CCDC178: variants seen among roughly 807,000 people sequenced by gnomAD.
The protein encoded by CCDC178 is coiled-coil domain containing 178.
In CCDC178, 126 loss-of-function variants were observed where a neutral mutation model predicts 117.4. The observed-to-expected ratio is 1.07, with a 90% CI of 0.93 to 1.24. CCDC178 has a LOEUF of 1.24. CCDC178 is among the 50% of genes most tolerant of loss of function. The pLI is 0.00. For missense variants in CCDC178, 1,030 were observed against 986.9 expected (o/e 1.04, Z -0.59); for synonymous variants, 283 against 313.4 (o/e 0.90, Z 1.02).
intron 20 of CCDC178, among the ~76,000 whole-genome samples, chr18:33,114,168 A>AC (rs1315569675): frequency 6.6e-6 from 1 of 152,026 alleles, no homozygotes; most frequent in Non-Finnish European, 1.5e-5. Context: ...AGGTTGGTTT[A>AC]CTTTCAGGAC....
chr18:33,337,619 T>C (rs554982006), intron 9 of CCDC178, among the ~76,000 whole-genome samples: 1 of 152,218 alleles, frequency 6.6e-6, no homozygotes, highest in African/African-American at 2.4e-5. Flanking sequence ...TACAGCTAAC[T>C]GATCTTCAAC....
intron 21 of CCDC178, among the ~76,000 whole-genome samples, chr18:33,079,266 A>G (rs1471889963): frequency 6.6e-6 from 1 of 152,220 alleles, no homozygotes; most frequent in Non-Finnish European, 1.5e-5. Context: ...CACCATATAC[A>G]AAAATGGACT....
intron 14 of CCDC178, among the ~76,000 whole-genome samples, chr18:33,262,907 C>T (rs942202210): frequency 6.6e-6 from 1 of 152,064 alleles, no homozygotes; most frequent in Non-Finnish European, 1.5e-5. Flanking sequence ...ATATTCTGAA[C>T]CTGAATATAG....
At chr18:33,102,408 G>A (rs1006335031) in intron 20 of CCDC178, among the ~76,000 whole-genome samples, 1 of 147,996 alleles carries the variant, frequency 6.8e-6, no homozygotes, top group African/African-American at 2.5e-5. Flanking sequence ...TACTCATGGA[G>A]GAGAGTGCTT....
intron 2 of CCDC178, among the ~76,000 whole-genome samples, chr18:33,420,818 G>T (rs2064014567): frequency 6.6e-6 from 1 of 151,818 alleles, no homozygotes; most frequent in African/African-American, 2.4e-5. Context: ...ATTATAAAAA[G>T]CTTAAAATAA....
At position 33,412,113 on chromosome 18, in the gene CCDC178, A is replaced by G; in HGVS notation, c.-22-3T>C. ...TAGTTATAAGAATATTTTAAAACCT[A>G]ATTAGAAAGAAAAATATTTAAATAT... On this transcript the variant is annotated splice_polypyrimidine_tract_variant and splice_region_variant and intron_variant, in intron 2 of 22. Transcript: ENST00000383096. 9.0e-7 allele frequency: 1 copy of G among 1,109,504 alleles called. No individual in the cohort carries two copies. Among genetic ancestry groups the G allele is most frequent in the Admixed American group, 2.2e-5 (1 of 45,772 alleles). The allele number at this position is 1,109,504 out of a possible 1,614,324, so 68.7% of individuals were successfully genotyped here.
intron 4 of CCDC178, among the ~76,000 whole-genome samples, chr18:33,396,560 A>G (rs2144846168): frequency 6.6e-6 from 1 of 152,302 alleles, no homozygotes; most frequent in East Asian, 1.9e-4. Context: ...GATGAAAGCC[A>G]CAAATTACAT....
At chr18:33,352,568 T>C (rs1031484882) in intron 7 of CCDC178, among the ~76,000 whole-genome samples, 4 of 152,118 alleles carry the variant, frequency 2.6e-5, no homozygotes, top group Admixed American at 1.3e-4. Flanking sequence ...TTTCCCTCTG[T>C]GGACTACTTT....
chr18:33,093,552 T>C (rs550908348), intron 20 of CCDC178, among the ~76,000 whole-genome samples: 2 of 152,228 alleles, frequency 1.3e-5, no homozygotes, highest in African/African-American at 4.8e-5. Flanking sequence ...CCTCCATGAC[T>C]AAATAAATAT....
intron 14 of CCDC178, among the ~76,000 whole-genome samples, chr18:33,263,417 A>G (rs2144755071): frequency 6.6e-6 from 1 of 152,294 alleles, no homozygotes; most frequent in East Asian, 1.9e-4. Flanking sequence ...TTGTACATAA[A>G]TCATAGGTCA....
At chr18:33,115,516 A>AT (rs1417497363) in intron 20 of CCDC178, among the ~76,000 whole-genome samples, 2 of 151,838 alleles carry the variant, frequency 1.3e-5, no homozygotes, top group Non-Finnish European at 2.9e-5. Context: ...ATAGATCTTA[A>AT]TTTTTTTTCA....
chr18:33,152,945 G>A (rs2058356420), intron 20 of CCDC178, among the ~76,000 whole-genome samples: 1 of 151,276 alleles, frequency 6.6e-6, no homozygotes. Flanking sequence ...AGTCAGACTG[G>A]AGCAGAAAAG....
intron 11 of CCDC178, among the ~76,000 whole-genome samples, chr18:33,309,341 AAAT>A (rs2062303918): frequency 6.6e-6 from 1 of 152,300 alleles, no homozygotes; most frequent in South Asian, 2.1e-4. Context: ...GGCCAATAAA[AAAT>A]AATGACTGGA....
chr18:33,133,165 T>C (rs935367627), intron 20 of CCDC178, among the ~76,000 whole-genome samples: 1 of 151,864 alleles, frequency 6.6e-6, no homozygotes, highest in African/African-American at 2.4e-5. Context: ...AGCTCAGATA[T>C]GATTTCATTT....
intron 20 of CCDC178, among the ~76,000 whole-genome samples, chr18:33,179,078 A>ATATATATATAT (rs1555656271): frequency 1.6e-4 from 9 of 55,822 alleles, no homozygotes; most frequent in Admixed American, 2.6e-4. Context: ...AAAAAAAAAA[A>ATATATATATAT]ATATATATAT....
intron 20 of CCDC178, among the ~76,000 whole-genome samples, chr18:33,211,502 A>G (rs2059107626): frequency 6.6e-6 from 1 of 151,708 alleles, no homozygotes; most frequent in Non-Finnish European, 1.5e-5. Flanking sequence ...AGCGTGACAT[A>G]TTTTCATTCC....
intron 9 of CCDC178, among the ~76,000 whole-genome samples, chr18:33,336,636 A>G (rs1568157483): frequency 6.6e-6 from 1 of 152,134 alleles, no homozygotes; most frequent in Non-Finnish European, 1.5e-5. Context: ...ATTCTTAAGG[A>G]GATAAAACAC....
chr18:33,278,613 G>A (rs1178666782), intron 12 of CCDC178, among the ~76,000 whole-genome samples: 1 of 151,854 alleles, frequency 6.6e-6, no homozygotes, highest in African/African-American at 2.4e-5. Flanking sequence ...ACAGCAACTA[G>A]AAAATGACTG....
intron 12 of CCDC178, among the ~76,000 whole-genome samples, chr18:33,270,340 T>C (rs2059872382): frequency 6.6e-6 from 1 of 151,526 alleles, no homozygotes. Context: ...AAATAATGGC[T>C]GAAAACTTGC....
Sources: gnomAD v4.1 joint callset for allele counts (sites outside exome capture counted in the v4.1 genomes callset) on GRCh38, gnomAD v4.1.1 for gene constraint, MANE v1.5 for transcripts, NCBI Gene and HGNC (gene_info 2026-07-23, HGNC 2026-07-21) for gene names.